Variants in CDH18 observed in about 807,000 individuals in gnomAD.
CDH18 encodes the protein cadherin 18, also known as cadherin-18.
CDH18 carries 31 observed loss-of-function variants against 67.9 expected under a neutral mutation model. That is an observed-to-expected ratio of 0.46 (90% confidence interval 0.34 to 0.62). CDH18 has a LOEUF of 0.62. Ranked by LOEUF, CDH18 falls within the 20% of genes least tolerant of loss-of-function variation. CDH18 has a pLI of 0.01. For missense variants in CDH18, 890 were observed against 975.5 expected, an observed-to-expected ratio of 0.91 and a Z score of 1.17; for synonymous variants, 362 against 347.2, an observed-to-expected ratio of 1.04 and a Z score of -0.48.
At chr5:19,565,589 A>G (rs745937946) in intron 8 of CDH18, among the ~76,000 whole-genome samples, 2 of 152,232 alleles carry the variant, frequency 1.3e-5, no homozygotes, top group Non-Finnish European at 2.9e-5. Context: ...GTCCCCAAGA[A>G]TGACAGGCAC....
At chr5:19,484,402 C>T (rs1740016258) in intron 11 of CDH18, among the ~76,000 whole-genome samples, 1 of 152,158 alleles carries the variant, frequency 6.6e-6, no homozygotes, top group Admixed American at 6.5e-5. Flanking sequence ...GTCACATTGC[C>T]TCATCTACAA....
chr5:20,034,768 C>A (rs112055019), intron 2 of CDH18, among the ~76,000 whole-genome samples: 1 of 152,000 alleles, frequency 6.6e-6, no homozygotes, highest in African/African-American at 2.4e-5. Context: ...TTGTATGAAC[C>A]AATTACTTAC....
intron 2 of CDH18, among the ~76,000 whole-genome samples, chr5:20,156,286 T>C (rs989078989): frequency 3.9e-5 from 6 of 152,168 alleles, no homozygotes; most frequent in Admixed American, 3.9e-4. Context: ...TCGTTATGTT[T>C]ATCACAGCGC....
chr5:20,024,822 C>T (rs1253950899), intron 2 of CDH18, among the ~76,000 whole-genome samples: 1 of 152,030 alleles, frequency 6.6e-6, no homozygotes, highest in Non-Finnish European at 1.5e-5. Context: ...GGGCTAAAGC[C>T]ATGTAGAATA....
chr5:19,719,363 A>C (rs1177422672), intron 5 of CDH18, among the ~76,000 whole-genome samples: 1 of 152,038 alleles, frequency 6.6e-6, no homozygotes, highest in East Asian at 1.9e-4. Flanking sequence ...ATTTCTAAAA[A>C]AGGCAGTTGA....
chr5:20,546,035 T>C (rs779128736), intron 1 of CDH18, among the ~76,000 whole-genome samples: 2 of 152,136 alleles, frequency 1.3e-5, no homozygotes, highest in African/African-American at 2.4e-5. Context: ...ATACACTACA[T>C]CATCTCTCTT....
At chr5:20,479,987 T>C (rs2150253142) in intron 1 of CDH18, among the ~76,000 whole-genome samples, 1 of 152,212 alleles carries the variant, frequency 6.6e-6, no homozygotes, top group East Asian at 1.9e-4. Flanking sequence ...ATGACATATA[T>C]GTGGTGCTGA....
intron 2 of CDH18, among the ~76,000 whole-genome samples, chr5:20,170,710 A>T (rs1305566760): frequency 6.6e-6 from 1 of 151,972 alleles, no homozygotes. Context: ...TTTTCCTTAA[A>T]CTTTCATTTT....
intron 1 of CDH18, among the ~76,000 whole-genome samples, chr5:20,477,480 G>A (rs1006173543): frequency 1.3e-5 from 2 of 152,206 alleles, no homozygotes; most frequent in African/African-American, 4.8e-5. Flanking sequence ...GTAGGAGAAA[G>A]AGCACAGTGA....
intron 1 of CDH18, among the ~76,000 whole-genome samples, chr5:20,392,552 T>C (rs1435928790): frequency 2.0e-5 from 3 of 151,912 alleles, no homozygotes; most frequent in African/African-American, 7.2e-5. Flanking sequence ...AGACAGTGAA[T>C]ATTATTTTCC....
At chr5:19,772,924 T>A (rs1047659469) in intron 3 of CDH18, among the ~76,000 whole-genome samples, 1 of 152,182 alleles carries the variant, frequency 6.6e-6, no homozygotes, top group African/African-American at 2.4e-5. Flanking sequence ...ATGACCAAAA[T>A]TAAGATTAAA....
intron 9 of CDH18, among the ~76,000 whole-genome samples, chr5:19,533,151 G>A (rs189577496): frequency 6.2e-4 from 94 of 152,304 alleles, no homozygotes; most frequent in African/African-American, 2.1e-3. Context: ...TCAATACATA[G>A]AGAAGCGAGG....
intron 2 of CDH18, among the ~76,000 whole-genome samples, chr5:19,885,825 GTTGTTA>G (rs1419843867): frequency 4.6e-5 from 7 of 152,260 alleles, no homozygotes; most frequent in African/African-American, 1.7e-4. Context: ...TATGCAATGA[GTTGTTA>G]TTGTTATTTT....
chr5:20,054,614 C>T (rs929042635), intron 2 of CDH18, among the ~76,000 whole-genome samples: 1 of 152,094 alleles, frequency 6.6e-6, no homozygotes, highest in African/African-American at 2.4e-5. Flanking sequence ...ATTATACCAC[C>T]TTTGCCATCT....
intron 1 of CDH18, among the ~76,000 whole-genome samples, chr5:20,367,888 T>G (rs1429081639): frequency 1.3e-5 from 2 of 152,194 alleles, no homozygotes; most frequent in Admixed American, 6.5e-5. Flanking sequence ...AGAGGAGTGT[T>G]TTCAACTCTA....
chr5:20,101,732 T>C (rs980563217), intron 2 of CDH18, among the ~76,000 whole-genome samples: 3 of 152,080 alleles, frequency 2.0e-5, no homozygotes, highest in Non-Finnish European at 2.9e-5. Flanking sequence ...CAAATGAAGA[T>C]CAATAATAGA....
chr5:20,493,356 T>TAAAAAAAAAAAAAAAA (rs148292031), intron 1 of CDH18, among the ~76,000 whole-genome samples: 8 of 47,206 alleles, frequency 1.7e-4, no homozygotes, highest in Admixed American at 8.3e-4. Flanking sequence ...TTCAGAAAAT[T>TAAAAAAAAAAAAAAAA]AAAAAAAAAA....
At chr5:20,264,859 T>C (rs1744911895) in intron 1 of CDH18, among the ~76,000 whole-genome samples, 2 of 152,124 alleles carry the variant, frequency 1.3e-5, no homozygotes, top group African/African-American at 4.8e-5. Context: ...AGCTAAGATA[T>C]TCATCAAGCA....
At chr5:20,150,380 TC>T (rs1751006232) in intron 2 of CDH18, among the ~76,000 whole-genome samples, 2 of 152,130 alleles carry the variant, frequency 1.3e-5, no homozygotes, top group African/African-American at 4.8e-5. Context: ...GACAGTAACA[TC>T]AGAGATTTAA....
Sources: allele counts gnomAD v4.1 joint callset (sites outside exome capture counted in the v4.1 genomes callset), GRCh38; gene constraint gnomAD v4.1.1; transcripts MANE v1.5; gene names NCBI Gene and HGNC (gene_info 2026-07-23, HGNC 2026-07-21).